PCDHGB2: variants seen among roughly 807,000 people sequenced by gnomAD.
PCDHGB2 encodes the protein protocadherin gamma subfamily B, 2.
Under a neutral mutation model 59.3 loss-of-function variants are expected in PCDHGB2, and 55 were observed. The observed-to-expected ratio is 0.93, with a 90% CI of 0.75 to 1.16. The LOEUF is 1.16. Ranked by LOEUF, PCDHGB2 falls within the 50% of genes most tolerant of loss-of-function variation. The pLI is 0.00. For synonymous variants in PCDHGB2, 516 were observed against 512.0 expected, an observed-to-expected ratio of 1.01 and a Z score of -0.11; for missense variants, 1,228 against 1,198.5, an observed-to-expected ratio of 1.02 and a Z score of -0.36.
At chr5:141,460,849 G>A (rs908955373) in intron 1 of PCDHGB2, among the ~76,000 whole-genome samples, 1 of 150,224 alleles carries the variant, frequency 6.7e-6, no homozygotes, top group Non-Finnish European at 1.5e-5. Flanking sequence ...CCTCCAGTTC[G>A]ATCCAAGTTG....
intron 1 of PCDHGB2, among the ~76,000 whole-genome samples, chr5:141,438,296 A>G (rs902991313): frequency 6.6e-6 from 1 of 152,034 alleles, no homozygotes; most frequent in Non-Finnish European, 1.5e-5. Context: ...CTGTATGTAA[A>G]AGAAGTTGGT....
chr5:141,477,705 G>A lies in PCDHGB2; in HGVS notation c.2422-17102G>A, dbSNP rs1285254654. On this transcript the variant is annotated intron_variant, in intron 1 of 3. Coordinates refer to ENST00000522605, the MANE Select transcript of PCDHGB2 (RefSeq NM_018923.3). The surrounding 1 kb of genome is among the most constrained non-coding windows in gnomAD (Gnocchi z 4.9). ...TTAGTGCCCCTAGACTATGAGGATCGGCGGGAATTTGAATTAACAGCTCAT... is the reference window on the plus strand; with the variant it reads ...TTAGTGCCCCTAGACTATGAGGATCAGCGGGAATTTGAATTAACAGCTCAT... The A allele has an allele frequency of 6.2e-7, 1 of 1,614,008 alleles. No homozygotes were observed. Among genetic ancestry groups the A allele is most frequent in the Non-Finnish European group, 8.5e-7 (1 of 1,180,048 alleles).
chr5:141,421,715 T>G (rs756472123), intron 1 of PCDHGB2: 1 of 1,613,960 alleles, frequency 6.2e-7, no homozygotes, highest in Admixed American at 1.7e-5. Context: ...GATCCAGATG[T>G]GGGCGTGAAC....
chr5:141,432,069 A>T lies in PCDHGB2; in HGVS notation c.2422-62738A>T. ...ACCCCGCCCCTATCCACGGAAACTC[A>T]TATCTCGCTGAACGTGGCAGACACC... is the stretch of plus-strand genomic sequence containing the variant. On this transcript the variant is annotated intron_variant, in intron 1 of 3. Coordinates refer to ENST00000522605, the MANE Select transcript of PCDHGB2 (RefSeq NM_018923.3). This position sits in a 1 kb window ranked among gnomAD's most constrained non-coding sequence, Gnocchi z 6.0. The T allele has an allele frequency of 6.2e-7, 1 of 1,614,168 alleles. No homozygotes were observed. The highest frequency in any genetic ancestry group is 8.5e-7 in the Non-Finnish European group (1 of 1,180,038).
intron 1 of PCDHGB2, chr5:141,383,071 G>A (rs1778782498): frequency 1.2e-6 from 2 of 1,613,916 alleles, no homozygotes; most frequent in South Asian, 1.1e-5. Context: ...GGAGCCCCGG[G>A]AGCTGGCGGA....
chr5:141,393,865 C>G lies in PCDHGB2; in HGVS notation c.2421+31309C>G, dbSNP rs770874961. The G allele has an allele frequency of 4.3e-6, 7 of 1,613,838 alleles. No individual in the cohort carries two copies. In the African/African-American group the frequency reaches 8.0e-5, roughly 18 times the overall value. ...AATAGACCAGAAGTGATCATTACGT[C>G]TTTGTTTAGCCCAGTGTTAGAAAAT... On this transcript the variant is annotated intron_variant, in intron 1 of 3. Transcript: ENST00000522605.
intron 3 of PCDHGB2, 110 bp downstream of exon 3, chr5:141,505,591 G>A (rs2099846959): frequency 6.4e-7 from 1 of 1,570,162 alleles, no homozygotes; most frequent in Non-Finnish European, 8.7e-7. Context: ...AGTTTCTCCA[G>A]ATCTTTCGGC....
intron 1 of PCDHGB2, among the ~76,000 whole-genome samples, chr5:141,467,359 A>G (rs997614051): frequency 1.3e-5 from 2 of 151,714 alleles, no homozygotes; most frequent in African/African-American, 4.8e-5. Context: ...GGCCAAATCA[A>G]CGTTTTCTTA....
Position 141,361,786 on chromosome 5 carries a change from T to A in PCDHGB2, c.1651T>A (p.Leu551Ile). The A allele has an allele frequency of 6.2e-7, 1 of 1,613,238 alleles. No individual in the cohort carries two copies. The highest frequency in any genetic ancestry group is 8.5e-7 in the Non-Finnish European group (1 of 1,179,748). The change falls in exon 1 of 4, where the codon TTA becomes ATA. Residue 551 changes from leucine to isoleucine, a missense_variant. Physicochemically the swap from Leu to Ile is conservative, Grantham distance 5. Transcript: ENST00000522605. ...CAGCGCCAACGTGAGCCTGCGCGTG[T>A]TAGTGGGCGACCTCAATGACAATGC... ...ALSANVSLRV[L>I]VGDLNDNAPR...
chr5:141,474,962 A>G (rs954703806), intron 1 of PCDHGB2, among the ~76,000 whole-genome samples: 3 of 152,256 alleles, frequency 2.0e-5, no homozygotes, highest in Non-Finnish European at 4.4e-5. Flanking sequence ...CACTATCCTA[A>G]TCATTATAAT....
intron 1 of PCDHGB2, chr5:141,376,017 C>G: frequency 6.2e-7 from 1 of 1,613,290 alleles, no homozygotes; most frequent in Middle Eastern, 1.7e-4. Flanking sequence ...CTAGTGGTGG[C>G]CGTCCAGGAC....
At chr5:141,423,772 A>G (rs767998260) in intron 1 of PCDHGB2, 39 of 1,219,850 alleles carry the variant, frequency 3.2e-5, no homozygotes, top group East Asian at 1.6e-4. Context: ...GGGGCGGCAT[A>G]TATTTAGTTC....
chr5:141,419,968 T>G lies in PCDHGB2; in HGVS notation c.2421+57412T>G, dbSNP rs766617414. ...CCTTGGCCTTGATTTCTGTGCTCTT[T>G]CTCCTCGCGGTGATTCTAGCTATTG... is the stretch of plus-strand genomic sequence containing the variant. On this transcript the variant is annotated intron_variant, in intron 1 of 3. Transcript: ENST00000522605. The G allele has an allele frequency of 6.2e-6, 10 of 1,614,036 alleles. No homozygotes were observed. The South Asian group carries it at 1.1e-4, about 18-fold the overall frequency.
chr5:141,503,024 A>G (rs574653661), intron 2 of PCDHGB2, among the ~76,000 whole-genome samples: 2 of 150,210 alleles, frequency 1.3e-5, no homozygotes, highest in South Asian at 2.1e-4. Context: ...TTTTTTTTTA[A>G]TATCTATTTT....
chr5:141,497,573 T>C (rs1231425210), intron 2 of PCDHGB2, among the ~76,000 whole-genome samples: 1 of 149,502 alleles, frequency 6.7e-6, no homozygotes, highest in South Asian at 2.1e-4. Context: ...AGAGTCTTGC[T>C]CTGTTGCCCA....
chr5:141,370,343 T>G (rs1460750317), intron 1 of PCDHGB2: 1 of 1,482,818 alleles, frequency 6.7e-7, no homozygotes, highest in African/African-American at 1.4e-5. Context: ...CTTGGGATTA[T>G]TTAAAGATCT....
At chr5:141,406,544 T>A (rs1254762260) in intron 1 of PCDHGB2, among the ~76,000 whole-genome samples, 1 of 152,222 alleles carries the variant, frequency 6.6e-6, no homozygotes, top group Non-Finnish European at 1.5e-5. Context: ...AGATTCAAAC[T>A]TCAGTTATCC....
Position 141,384,211 on chromosome 5 carries a change from A to G in PCDHGB2, c.2421+21655A>G, listed in dbSNP as rs1779844245. On this transcript the variant is annotated intron_variant, in intron 1 of 3. Transcript: ENST00000522605. The stretch of plus-strand genomic sequence containing the variant: ...TCCTCCCTTGTCCAGGGAAACTCAC[A>G]TATTCATGCAGGTGGCAGACACCAA... The G allele has an allele frequency of 6.2e-7, 1 of 1,613,880 alleles. No individual in the cohort carries two copies. Among genetic ancestry groups the G allele is most frequent in the Non-Finnish European group, 8.5e-7 (1 of 1,179,872 alleles).
chr5:141,469,410 A>G (rs2099200490), intron 1 of PCDHGB2, among the ~76,000 whole-genome samples: 1 of 152,128 alleles, frequency 6.6e-6, no homozygotes, highest in Non-Finnish European at 1.5e-5. Context: ...CCCCGTTTCT[A>G]CTAAAAATAT....
Sources: allele counts gnomAD v4.1 joint callset (sites outside exome capture counted in the v4.1 genomes callset), GRCh38; gene constraint gnomAD v4.1.1; non-coding constraint Gnocchi (gnomAD v3.1); transcripts MANE v1.5; gene names NCBI Gene and HGNC (gene_info 2026-07-23, HGNC 2026-07-21).